Variants in CHN2 observed in about 807,000 individuals in gnomAD.
The protein encoded by CHN2 is beta-chimaerin.
A neutral mutation model predicts 56.3 loss-of-function variants in CHN2; 35 were observed. That is an observed-to-expected ratio of 0.62 (90% CI 0.47 to 0.82). The LOEUF (loss-of-function observed/expected upper bound fraction) is 0.82, where lower values mean the gene tolerates loss of function less well. Among genes scored for constraint, CHN2 ranks in the 40% least tolerant of loss-of-function variants. The pLI, the probability that CHN2 is intolerant of heterozygous loss-of-function variation, is 0.00. For missense variants in CHN2, 491 were observed against 580.5 expected (o/e 0.85, Z 1.58); for synonymous variants, 210 against 212.8 (o/e 0.99, Z 0.12).
intron 6 of CHN2, among the ~76,000 whole-genome samples, chr7:29,444,082 A>T (rs1429533686): frequency 6.6e-6 from 1 of 152,256 alleles, no homozygotes; most frequent in African/African-American, 2.4e-5. Flanking sequence ...AATTACCATT[A>T]TAAATTTTAT....
At chr7:29,379,395 A>G (rs1179640071) in intron 3 of CHN2, among the ~76,000 whole-genome samples, 1 of 152,228 alleles carries the variant, frequency 6.6e-6, no homozygotes, top group African/African-American at 2.4e-5. Context: ...TCAGGAACAA[A>G]GCTGGTGTTA....
At chr7:29,277,835 T>C (rs1017914991) in intron 1 of CHN2, among the ~76,000 whole-genome samples, 7 of 152,206 alleles carry the variant, frequency 4.6e-5, no homozygotes, top group African/African-American at 1.2e-4. Context: ...CTACCTCTTT[T>C]AGCTCCCATT....
At chr7:29,288,917 GCTT>G in intron 1 of CHN2, 1 of 152,308 alleles carries the variant, frequency 6.6e-6, no homozygotes, top group African/African-American at 2.4e-5. Context: ...GTGTGGACAC[GCTT>G]CATCGTGCCA....
At chr7:29,432,518 A>G (rs1782924255) in intron 6 of CHN2, among the ~76,000 whole-genome samples, 1 of 152,202 alleles carries the variant, frequency 6.6e-6, no homozygotes, top group East Asian at 1.9e-4. Flanking sequence ...TTGGCCAATT[A>G]AAGGATCCTA....
chr7:29,297,708 T>A (rs955642096), intron 1 of CHN2, among the ~76,000 whole-genome samples: 3 of 151,584 alleles, frequency 2.0e-5, no homozygotes, highest in African/African-American at 7.3e-5. Context: ...CTGGGTTCCC[T>A]CCCCACCGAG....
chr7:29,490,015 T>TA (rs1357612710), intron 7 of CHN2, among the ~76,000 whole-genome samples: 1 of 152,166 alleles, frequency 6.6e-6, no homozygotes, highest in African/African-American at 2.4e-5. Context: ...AATTTCTAAA[T>TA]ATTGCATTTT....
chr7:29,165,611 T>G (rs1204908390), intron 2 of CHN2, among the ~76,000 whole-genome samples: 1 of 152,242 alleles, frequency 6.6e-6, no homozygotes, highest in Admixed American at 6.5e-5. Flanking sequence ...AGTGATAGAA[T>G]GGATATACTT....
intron 1 of CHN2, among the ~76,000 whole-genome samples, chr7:29,205,686 A>T (rs60106607): frequency 0.2 from 30,047 of 152,078 alleles, 3,073 homozygotes; most frequent in Middle Eastern, 0.24. Flanking sequence ...AATCGTGCCA[A>T]CTTAGAGTTT....
intron 3 of CHN2, among the ~76,000 whole-genome samples, chr7:29,378,879 C>A (rs530499375): frequency 6.6e-6 from 1 of 152,166 alleles, no homozygotes; most frequent in East Asian, 1.9e-4. Flanking sequence ...GCAGGAGAAT[C>A]GCTTGAACCC....
chr7:29,250,996 C>A (rs1788467262), intron 1 of CHN2, among the ~76,000 whole-genome samples: 1 of 152,210 alleles, frequency 6.6e-6, no homozygotes, highest in Admixed American at 6.5e-5. Flanking sequence ...AGGCATGAGC[C>A]ACTGCACCCA....
intron 6 of CHN2, among the ~76,000 whole-genome samples, chr7:29,452,117 A>T (rs148392815): frequency 9.3e-4 from 141 of 152,354 alleles, no homozygotes; most frequent in Admixed American, 9.8e-4. Flanking sequence ...TTCAAAAGAG[A>T]ACATGCAGTT....
chr7:29,165,348 CA>C, intron 2 of CHN2, among the ~76,000 whole-genome samples: 1 of 152,158 alleles, frequency 6.6e-6, no homozygotes, highest in Non-Finnish European at 1.5e-5. Flanking sequence ...TGTATAGAAA[CA>C]AAATTGATTT....
chr7:29,340,648 G>T (rs924536483), intron 1 of CHN2, among the ~76,000 whole-genome samples: 4 of 152,190 alleles, frequency 2.6e-5, no homozygotes, highest in African/African-American at 9.7e-5. Context: ...AAAGCCAAGA[G>T]ACAAATTGCT....
At chr7:29,338,878 C>T (rs1444409994) in intron 1 of CHN2, among the ~76,000 whole-genome samples, 1 of 152,160 alleles carries the variant, frequency 6.6e-6, no homozygotes, top group Non-Finnish European at 1.5e-5. Context: ...CTGCACCCAG[C>T]CCTGGTTATG....
chr7:29,325,587 A>G (rs140762743), intron 1 of CHN2, among the ~76,000 whole-genome samples: 2,196 of 152,344 alleles, frequency 0.014, 54 homozygotes, highest in African/African-American at 0.049. Context: ...TCTTATTAAA[A>G]TGGGAGTACC....
intron 6 of CHN2, chr7:29,401,163 G>A: frequency 3.9e-6 from 1 of 255,432 alleles, no homozygotes; most frequent in South Asian, 5.4e-5. Flanking sequence ...AGTTACTTGG[G>A]AGGCTGAGGC....
intron 1 of CHN2, among the ~76,000 whole-genome samples, chr7:29,298,569 C>T (rs931107879): frequency 1.3e-5 from 2 of 152,146 alleles, no homozygotes; most frequent in African/African-American, 4.8e-5. Flanking sequence ...GGTTAGCTCC[C>T]TTGCTTTCAT....
intron 6 of CHN2, among the ~76,000 whole-genome samples, chr7:29,412,262 T>C (rs1202668820): frequency 2.6e-5 from 4 of 151,368 alleles, no homozygotes; most frequent in African/African-American, 7.3e-5. Context: ...CATATATATA[T>C]GTAGACCTCT....
intron 1 of CHN2, among the ~76,000 whole-genome samples, chr7:29,309,862 C>T (rs1440838389): frequency 6.6e-6 from 1 of 152,158 alleles, no homozygotes; most frequent in Admixed American, 6.5e-5. Context: ...GCTCATGGGC[C>T]CTGCTGTGGC....
Sources: gnomAD v4.1 joint callset for allele counts (sites outside exome capture counted in the v4.1 genomes callset) on GRCh38, gnomAD v4.1.1 for gene constraint, MANE v1.5 for transcripts, NCBI Gene and HGNC (gene_info 2026-07-23, HGNC 2026-07-21) for gene names.